Variants in PPFIA1 observed in about 807,000 individuals in gnomAD.
PPFIA1 encodes liprin-alpha-1.
Under a neutral mutation model 149.9 loss-of-function variants are expected in PPFIA1, and 25 were observed. That is an observed-to-expected ratio of 0.17 (90% CI 0.12 to 0.23). The LOEUF is 0.23. Among genes scored for constraint, PPFIA1 ranks in the 10% least tolerant of loss-of-function variants. PPFIA1 has a pLI of 1.00. For missense variants in PPFIA1, 1,362 were observed against 1,506.5 expected, an observed-to-expected ratio of 0.90 and a Z score of 1.59; for synonymous variants, 549 against 552.8, an observed-to-expected ratio of 0.99 and a Z score of 0.10.
At chr11:70,355,231 G>A (rs570781959) in intron 17 of PPFIA1, among the ~76,000 whole-genome samples, 20 of 152,236 alleles carry the variant, frequency 1.3e-4, no homozygotes, top group African/African-American at 3.9e-4. Context: ...ATTGGATTTC[G>A]GTTCTGTGCC....
intron 19 of PPFIA1, among the ~76,000 whole-genome samples, chr11:70,359,652 A>G (rs1488695414): frequency 6.6e-6 from 1 of 152,240 alleles, no homozygotes; most frequent in Non-Finnish European, 1.5e-5. Flanking sequence ...CATCCCTTAC[A>G]TACTGTTTGA....
chr11:70,279,163 G>T (rs2050589974), intron 2 of PPFIA1: 2 of 494,822 alleles, frequency 4.0e-6, no homozygotes, highest in South Asian at 2.4e-5. Context: ...GCGCCCACAC[G>T]TCCAGGACTG....
At chr11:70,302,476 C>T (rs1034282196) in intron 2 of PPFIA1, among the ~76,000 whole-genome samples, 3 of 152,142 alleles carry the variant, frequency 2.0e-5, no homozygotes, top group East Asian at 1.9e-4. Context: ...GAGCACACTG[C>T]GGCAACAGAG....
At chr11:70,349,336 A>C (rs2055911168) in intron 16 of PPFIA1, among the ~76,000 whole-genome samples, 1 of 152,012 alleles carries the variant, frequency 6.6e-6, no homozygotes, top group Admixed American at 6.5e-5. Context: ...GAATGTTTAA[A>C]ACTTTCCTTT....
chr11:70,320,547 A>G (rs2053876532), intron 2 of PPFIA1, among the ~76,000 whole-genome samples: 1 of 149,460 alleles, frequency 6.7e-6, no homozygotes, highest in Non-Finnish European at 1.5e-5. Context: ...CAGCTTCCTG[A>G]GTAGCCGGGT....
chr11:70,371,192 G>A (rs2057219293), intron 21 of PPFIA1: 1 of 152,188 alleles, frequency 6.6e-6, no homozygotes, highest in Non-Finnish European at 1.5e-5. Flanking sequence ...TTAGTAGGGG[G>A]TTCTAGATAG....
At chr11:70,284,199 C>T (rs2050951052) in intron 2 of PPFIA1, 1 of 401,278 alleles carries the variant, frequency 2.5e-6, no homozygotes, top group African/African-American at 2.1e-5. Context: ...ATACTAATGA[C>T]TGCCCCTTCA....
intron 19 of PPFIA1, among the ~76,000 whole-genome samples, chr11:70,360,646 C>T (rs183608698): frequency 1.8e-3 from 281 of 152,374 alleles, no homozygotes; most frequent in Middle Eastern, 3.4e-3. Context: ...TCAGCCACCA[C>T]CTGGTGATTG....
chr11:70,273,483 G>A (rs947720618), intron 2 of PPFIA1, among the ~76,000 whole-genome samples: 2 of 152,134 alleles, frequency 1.3e-5, no homozygotes, highest in Admixed American at 1.3e-4. Context: ...TAGGCGCCAC[G>A]TTACTCATCA....
At chr11:70,353,375 G>A (rs1202023021) in intron 16 of PPFIA1, among the ~76,000 whole-genome samples, 1 of 152,148 alleles carries the variant, frequency 6.6e-6, no homozygotes, top group Admixed American at 6.5e-5. Context: ...CAAGAACCTG[G>A]CTCTTAAAAT....
At chr11:70,301,743 C>A (rs1434040966) in intron 2 of PPFIA1, among the ~76,000 whole-genome samples, 1 of 152,114 alleles carries the variant, frequency 6.6e-6, no homozygotes, top group Non-Finnish European at 1.5e-5. Context: ...AAAGGACCTT[C>A]GTTTACAGTT....
chr11:70,326,315 G>A lies in PPFIA1; in HGVS notation c.660G>A (p.Val220=), dbSNP rs759183650. ...NNQKKTLTDG[V]LDINHEQENT... The stretch of plus-strand genomic sequence containing the variant: ...AGAAAAAAACTCTAACAGATGGAGT[G>A]CTGGACATAAACCATGAACAAGAAA... The change falls in exon 6 of 28, where the codon GTG becomes GTA. Residue 220 remains valine, a synonymous_variant. Transcript: ENST00000253925. 6.2e-7 allele frequency: 1 copy of A among 1,610,522 alleles called. No homozygotes were observed. The highest frequency in any genetic ancestry group is 8.5e-7 in the Non-Finnish European group (1 of 1,177,740).
chr11:70,372,149 T>A lies in PPFIA1; in HGVS notation c.2866-66T>A, dbSNP rs2057295992. ...TAGGTAATAGATTAAAAATTCATTTTAAAAATGATATAAACTACTTTTGAG... is the reference window on the plus strand; with the variant it reads ...TAGGTAATAGATTAAAAATTCATTTAAAAAATGATATAAACTACTTTTGAG... On this transcript the variant is annotated intron_variant, in intron 21 of 27. Coordinates refer to ENST00000253925, the MANE Select transcript of PPFIA1 (RefSeq NM_003626.5). 5 of 1,433,350 alleles carry A rather than the reference T, an allele frequency of 3.5e-6. No homozygotes were observed. The Admixed American group carries it at 7.2e-5, about 21-fold the overall frequency. The allele number at this position is 1,433,350 out of a possible 1,614,324, so 88.8% of individuals were successfully genotyped here.
intron 7 of PPFIA1, among the ~76,000 whole-genome samples, chr11:70,328,625 T>C (rs1010871964): frequency 3.3e-5 from 5 of 152,156 alleles, no homozygotes; most frequent in African/African-American, 1.2e-4. Context: ...GGTATTTCCA[T>C]CTTTAGGTCT....
intron 2 of PPFIA1, among the ~76,000 whole-genome samples, chr11:70,294,917 AG>A (rs2051802882): frequency 6.6e-6 from 1 of 151,932 alleles, no homozygotes; most frequent in East Asian, 1.9e-4. Context: ...AATTTTTCTT[AG>A]TACAGAACAA....
At chr11:70,376,045 A>G (rs879868888) in intron 24 of PPFIA1, among the ~76,000 whole-genome samples, 2 of 151,806 alleles carry the variant, frequency 1.3e-5, no homozygotes, top group Non-Finnish European at 2.9e-5. Context: ...CTGGAGTGCA[A>G]TGGTGCAATC....
intron 24 of PPFIA1, 39 bp downstream of exon 24, chr11:70,375,132 G>C (rs139299633): frequency 1.6e-6 from 2 of 1,213,734 alleles, no homozygotes; most frequent in Non-Finnish European, 2.1e-6. Context: ...TCATTGTTCA[G>C]TTGGCACCCT....
chr11:70,323,156 A>G (rs1268242715), intron 2 of PPFIA1, among the ~76,000 whole-genome samples: 1 of 152,148 alleles, frequency 6.6e-6, no homozygotes, highest in Non-Finnish European at 1.5e-5. Flanking sequence ...CCACACCTCC[A>G]GTTGCCTTCA....
At chr11:70,304,056 C>T (rs1484894919) in intron 2 of PPFIA1, among the ~76,000 whole-genome samples, 1 of 152,216 alleles carries the variant, frequency 6.6e-6, no homozygotes, top group East Asian at 1.9e-4. Context: ...CTGGAAAGAC[C>T]TAGGCAGGAT....
Sources: gnomAD v4.1 joint callset for allele counts (sites outside exome capture counted in the v4.1 genomes callset) on GRCh38, gnomAD v4.1.1 for gene constraint, MANE v1.5 for transcripts, NCBI Gene and HGNC (gene_info 2026-07-23, HGNC 2026-07-21) for gene names.